Variants in FAIM2 observed in about 807,000 individuals in gnomAD.
The protein encoded by FAIM2 is Fas apoptotic inhibitory molecule 2.
Under a neutral mutation model 47.4 loss-of-function variants are expected in FAIM2, and 27 were observed. That is an observed-to-expected ratio of 0.57 (90% CI 0.42 to 0.78). The LOEUF (loss-of-function observed/expected upper bound fraction) is 0.78, where lower values mean the gene tolerates loss of function less well. Ranked by LOEUF, FAIM2 falls within the 30% of genes least tolerant of loss-of-function variation. The pLI is 0.00. For synonymous variants in FAIM2, 156 were observed against 159.3 expected (o/e 0.98, Z 0.16); for missense variants, 311 against 389.4 (o/e 0.80, Z 1.69).
rs535500680 is a variant in FAIM2, at chr12:49,884,933, T to C, written c.801+2453A>G. ...AGCTTGCAGTCAGCCAAGATCGCGC[T>C]ACTGCACTCCAGCCTGGGCGACAGA... On this transcript the variant is annotated intron_variant, in intron 11 of 11. Coordinates refer to ENST00000320634, the MANE Select transcript of FAIM2 (RefSeq NM_012306.4). Among the ~76,000 whole-genome samples, 791 of 152,006 alleles carry C rather than the reference T, an allele frequency of 5.2e-3. 2 individuals carry two copies. The highest frequency in any genetic ancestry group is 0.01 in the Middle Eastern group (3 of 294).
Position 49,870,484 on chromosome 12 carries a change from G to A in FAIM2, c.*20C>T, listed in dbSNP as rs369212035. On this transcript the variant is annotated 3_prime_UTR_variant, in exon 12 of 12. Coordinates refer to ENST00000320634, the MANE Select transcript of FAIM2 (RefSeq NM_012306.4). ...AGGAGGGGCGCATTCTCTGGAGGAC[G>A]GTGGGGCAGGGAGGGCTCCTCATTC... is the stretch of plus-strand genomic sequence containing the variant. 3.3e-5 allele frequency: 53 copies of A among 1,610,700 alleles called. No homozygotes were observed. In the African/African-American group the frequency reaches 6.0e-4, roughly 18 times the overall value.
At chr12:49,880,554 G>A (rs62648585) in intron 11 of FAIM2, among the ~76,000 whole-genome samples, 1 of 148,012 alleles carries the variant, frequency 6.8e-6, no homozygotes, top group African/African-American at 2.5e-5. Context: ...ATGCATGCGT[G>A]TGTGTGCATG....
At chr12:49,901,374 T>A in intron 1 of FAIM2, 49 bp from the exon 2 acceptor site, 2 of 1,385,640 alleles carry the variant, frequency 1.4e-6, no homozygotes, top group Non-Finnish European at 9.6e-7. Context: ...AAAGGGAGCC[T>A]TCCAACTCCT....
intron 10 of FAIM2, among the ~76,000 whole-genome samples, chr12:49,887,954 A>AGCTGGAACAGCACAG (rs1256673434): frequency 2.6e-5 from 4 of 152,140 alleles, no homozygotes; most frequent in Non-Finnish European, 4.4e-5. Flanking sequence ...GTGGAGGAAC[A>AGCTGGAACAGCACAG]GCTGGAACAG....
At chr12:49,880,230 ATGTG>A (rs1359442286) in intron 11 of FAIM2, among the ~76,000 whole-genome samples, 39 of 144,948 alleles carry the variant, frequency 2.7e-4, no homozygotes, top group South Asian at 1.1e-3. Flanking sequence ...ATGTGCATGC[ATGTG>A]TGTATGTGTA....
At chr12:49,879,008 ATGTG>A (rs200391564) in intron 11 of FAIM2, among the ~76,000 whole-genome samples, 2,880 of 130,552 alleles carry the variant, frequency 0.022, 615 homozygotes, top group African/African-American at 0.08. Context: ...GTGTATGTGC[ATGTG>A]TGTATGTGTA....
chr12:49,878,110 G>GTA (rs1491141540), intron 11 of FAIM2, among the ~76,000 whole-genome samples: 1 of 137,038 alleles, frequency 7.3e-6, no homozygotes. Flanking sequence ...GTGCATGTGT[G>GTA]TATGTGGGTA....
At chr12:49,880,007 CGT>C (rs1202425121) in intron 11 of FAIM2, among the ~76,000 whole-genome samples, 3 of 121,164 alleles carry the variant, frequency 2.5e-5, no homozygotes, top group South Asian at 2.8e-4. Flanking sequence ...TGCATATATG[CGT>C]GTGTATGTGT....
In FAIM2 at chr12:49,887,404, T is replaced by C; in HGVS notation, c.783A>G (p.Gly261=). Residue 261 remains glycine, a synonymous_variant, in exon 11 of 12, where the codon GGA becomes GGG. Transcript: ENST00000320634. ...PWLHAVYAAL[G]AGVFTLFLAL... ...CACTCACCAATGTAAATACACCCGC[T>C]CCCAGTGCTGCATAAACTGCATGGA... 1.9e-6 allele frequency: 3 copies of C among 1,611,396 alleles called. No individual in the cohort carries two copies. The highest frequency in any genetic ancestry group is 2.5e-6 in the Non-Finnish European group (3 of 1,178,690).
intron 11 of FAIM2, among the ~76,000 whole-genome samples, chr12:49,880,510 G>GTGTGTA: frequency 6.6e-6 from 1 of 151,352 alleles, no homozygotes; most frequent in African/African-American, 2.4e-5. Flanking sequence ...GTGTATGAGT[G>GTGTGTA]TGTATGTGCA....
intron 2 of FAIM2, 152 bp downstream of exon 2, chr12:49,900,978 G>T: frequency 1.7e-6 from 1 of 577,516 alleles, no homozygotes; most frequent in Middle Eastern, 4.6e-4. Flanking sequence ...CCTACCCTCA[G>T]ACTAGTTCTC....
At chr12:49,876,279 G>A (rs145562395) in intron 11 of FAIM2, among the ~76,000 whole-genome samples, 1,687 of 152,260 alleles carry the variant, frequency 0.011, 19 homozygotes, top group Non-Finnish European at 0.017. Context: ...TACTGTTCTT[G>A]TCCCCATTTT....
intron 11 of FAIM2, among the ~76,000 whole-genome samples, chr12:49,880,169 T>TGTCTGTGTGC (rs1491433216): frequency 2.8e-5 from 3 of 106,018 alleles, no homozygotes; most frequent in South Asian, 3.3e-4. Context: ...CATGTGTGTA[T>TGTCTGTGTGC]GTGTGTGTAT....
chr12:49,877,712 C>A lies in FAIM2; in HGVS notation c.802-7059G>T, dbSNP rs117619228. ...CCAGGCTGGTCATGGTATGTGTGTG[C>A]GCGCACACGGCATGTGGGTATGTGT... On this transcript the variant is annotated intron_variant, in intron 11 of 11. Transcript: ENST00000320634. 2.9e-4 allele frequency among the ~76,000 whole-genome samples: 25 copies of A among 86,928 alleles called. No individual in the cohort carries two copies. The East Asian group carries it at 8.6e-3, about 30-fold the overall frequency. 57.0% of individuals were successfully genotyped at this position (86,928 alleles called of 152,430 possible). A position where few individuals can be genotyped will look rare whatever the true frequency, so the allele number is the denominator to read the frequency against.
At chr12:49,896,923 G>A in intron 5 of FAIM2, 108 bp downstream of exon 5, 2 of 896,456 alleles carry the variant, frequency 2.2e-6, no homozygotes, top group Non-Finnish European at 3.8e-6. Flanking sequence ...GTCCCTGTGG[G>A]GCTGGGGGAA....
Position 49,878,291 on chromosome 12 carries a change from T to C in FAIM2, c.802-7638A>G, listed in dbSNP as rs141415132. 9.5e-3 allele frequency among the ~76,000 whole-genome samples: 1,300 copies of C among 136,230 alleles called. 208 individuals are homozygous for C. Among genetic ancestry groups the C allele is most frequent in the Non-Finnish European group, 0.012 (764 of 64,240 alleles). The allele number at this position is 136,230 out of a possible 152,430, so 89.4% of individuals were successfully genotyped here. On this transcript the variant is annotated intron_variant, in intron 11 of 11. Coordinates refer to ENST00000320634, the MANE Select transcript of FAIM2 (RefSeq NM_012306.4). ...GTGTGTCCATGTGTCTATATGTGAG[T>C]GTATGGGTGTATGTGCATGCGTGTA...
At chr12:49,891,200 C>T in intron 5 of FAIM2, 86 bp from the exon 6 acceptor site, 1 of 1,285,168 alleles carries the variant, frequency 7.8e-7, no homozygotes, top group Non-Finnish European at 1.1e-6. Context: ...CTCTCTGCCA[C>T]CCCCACCCAC....
chr12:49,887,469 C>A, intron 10 of FAIM2, 30 bp from the exon 11 acceptor site: 1 of 1,600,290 alleles, frequency 6.2e-7, no homozygotes. Flanking sequence ...GGCTTAGGGA[C>A]GACAAGAAGG....
intron 11 of FAIM2, among the ~76,000 whole-genome samples, chr12:49,876,837 T>G (rs1467366580): frequency 1.3e-5 from 2 of 152,090 alleles, no homozygotes; most frequent in Non-Finnish European, 2.9e-5. Flanking sequence ...AGGAGGCTGT[T>G]TTCCCTTCAT....
Sources: gnomAD v4.1 joint callset for allele counts (sites outside exome capture counted in the v4.1 genomes callset) on GRCh38, gnomAD v4.1.1 for gene constraint, MANE v1.5 for transcripts, NCBI Gene and HGNC (gene_info 2026-07-23, HGNC 2026-07-21) for gene names.